Variants in RNF213 observed in about 807,000 individuals in gnomAD.
The protein encoded by RNF213 is E3 ubiquitin-protein ligase RNF213.
In RNF213, 341 loss-of-function variants were observed where a neutral mutation model predicts 514.4. That is an observed-to-expected ratio of 0.66 (90% CI 0.61 to 0.73). The LOEUF (loss-of-function observed/expected upper bound fraction) is 0.73. RNF213 is among the 30% of genes least tolerant of loss of function. RNF213 has a pLI of 0.00. For synonymous variants in RNF213, 2,655 were observed against 2,658.2 expected, an observed-to-expected ratio of 1.00 and a Z score of 0.04; for missense variants, 5,767 against 6,615.6, an observed-to-expected ratio of 0.87 and a Z score of 4.45.
At position 80,339,981 on chromosome 17, in the gene RNF213, G is replaced by GAGGA. The variant is rs1485981713; in HGVS notation, c.5615_5618dup (p.Val1874GlyfsTer59). ...GCTCTGCACCCCGGCAACCACCTTTGAGGAGGTGGCACTGTTGCTGCGCCG... is the reference window on the plus strand; with the variant it reads ...GCTCTGCACCCCGGCAACCACCTTTGAGGAAGGAGGTGGCACTGTTGCTGCGCCG... On this transcript the variant is annotated frameshift_variant, in exon 26 of 68. Coordinates refer to ENST00000582970, the MANE Select transcript of RNF213 (RefSeq NM_001256071.3). LOFTEE classifies it high-confidence loss of function. 28 of 1,537,428 alleles carry GAGGA rather than the reference G, an allele frequency of 1.8e-5. No homozygotes were observed. Among genetic ancestry groups the GAGGA allele is most frequent in the Non-Finnish European group, 2.4e-5 (27 of 1,147,024 alleles).
At chr17:80,279,027 C>A in intron 3 of RNF213, 1 of 1,393,982 alleles carries the variant, frequency 7.2e-7, no homozygotes, top group Non-Finnish European at 9.7e-7. Context: ...AGGAAGGCTG[C>A]CCAGGATGGG....
At chr17:80,368,428 C>T (rs567615694) in intron 44 of RNF213, among the ~76,000 whole-genome samples, 1 of 136,308 alleles carries the variant, frequency 7.3e-6, no homozygotes, top group Non-Finnish European at 1.6e-5. Flanking sequence ...AATGTAGACG[C>T]CAGTGTTTTT....
At position 80,395,775 on chromosome 17, in the gene RNF213, A is replaced by C. The variant is rs970068596; in HGVS notation, c.*2277A>C. On this transcript the variant is annotated 3_prime_UTR_variant, in exon 68 of 68. Transcript: ENST00000582970. ...AATGCCCCTTCAGGGGGAAAACTGCATTTTCTCTTCCAAAAAGGAAAGGTT... is the reference window on the plus strand; with the variant it reads ...AATGCCCCTTCAGGGGGAAAACTGCCTTTTCTCTTCCAAAAAGGAAAGGTT... 6.6e-6 allele frequency: 1 copy of C among 152,078 alleles called. No individual in the cohort carries two copies. Among genetic ancestry groups the C allele is most frequent in the South Asian group, 2.1e-4 (1 of 4,824 alleles). The allele number at this position is 152,078 out of a possible 1,614,324, so 9.4% of individuals were successfully genotyped here. A position where few individuals can be genotyped will look rare whatever the true frequency, so the allele number is the denominator to read the frequency against.
chr17:80,377,675 C>G lies in RNF213; in HGVS notation c.13511-87C>G. 1 of 1,464,178 alleles carries G rather than the reference C, an allele frequency of 6.8e-7. No individual in the cohort carries two copies. Among genetic ancestry groups the G allele is most frequent in the Non-Finnish European group, 9.6e-7 (1 of 1,043,192 alleles). The allele number at this position is 1,464,178 out of a possible 1,614,324, so 90.7% of individuals were successfully genotyped here. A position where few individuals can be genotyped will look rare whatever the true frequency, so the allele number is the denominator to read the frequency against. On this transcript the variant is annotated intron_variant, in intron 53 of 67. Transcript: ENST00000582970. This position sits in a 1 kb window ranked among gnomAD's most constrained non-coding sequence, Gnocchi z 4.1. ...GTCATTCTCATATTGTGGTCAGGGC[C>G]AGAGAGTAGAGAGTTAGCTTTCCCT...
intron 32 of RNF213, chr17:80,352,403 C>T (rs1180706691): frequency 3.3e-6 from 1 of 301,392 alleles, no homozygotes; most frequent in East Asian, 7.0e-5. Context: ...CTCCCGACTC[C>T]CGACAGACAC....
In RNF213 at chr17:80,337,582, A is replaced by G. The variant is rs1284024414; in HGVS notation, c.4528-4A>G. 2.6e-6 allele frequency: 4 copies of G among 1,537,290 alleles called. No homozygotes were observed. Among genetic ancestry groups the G allele is most frequent in the Non-Finnish European group, 2.6e-6 (3 of 1,146,906 alleles). ...GCCCGTGTTCTCTCCTTTTGTCCCC[A>G]TAGTGTGACTCCGCCAGGAACTTGG... is the stretch of plus-strand genomic sequence containing the variant. On this transcript the variant is annotated splice_region_variant and splice_polypyrimidine_tract_variant and intron_variant, in intron 23 of 67. Transcript: ENST00000582970.
Position 80,347,337 on chromosome 17 carries a change from C to T in RNF213, c.9002C>T (p.Ala3001Val). The T allele has an allele frequency of 1.2e-6, 2 of 1,613,972 alleles. No individual in the cohort carries two copies. Among genetic ancestry groups the T allele is most frequent in the African/African-American group, 1.3e-5 (1 of 75,056 alleles). ...ATCCAAGCTTTGGACATCTTTCTGG[C>T]CAATTTGCCCGAGGCCAAGTGCTCA... ...DDIQALDIFL[A>V]NLPEAKCSEE... is the part of the protein sequence containing the mutation. Residue 3001 changes from alanine to valine, a missense_variant, in exon 29 of 68, where the codon GCC becomes GTC. Transcript: ENST00000582970. The surrounding 1 kb of genome is among the most constrained non-coding windows in gnomAD (Gnocchi z 7.2).
At position 80,365,173 on chromosome 17, in the gene RNF213, C is replaced by T. The variant is rs1186317055; in HGVS notation, c.11871+620C>T. ...GCCTCAGCCTCTGCCTCACCCGCAC[C>T]CGTGACCTTCACGTGAGCACATCCA... On this transcript the variant is annotated intron_variant, in intron 42 of 67. Coordinates refer to ENST00000582970, the MANE Select transcript of RNF213 (RefSeq NM_001256071.3). 7 of 159,868 alleles carry T rather than the reference C, an allele frequency of 4.4e-5. No homozygotes were observed. In the South Asian group the frequency reaches 8.9e-4, roughly 20 times the overall value. 9.9% of individuals were successfully genotyped at this position (159,868 alleles called of 1,614,324 possible). A position where few individuals can be genotyped will look rare whatever the true frequency, so the allele number is the denominator to read the frequency against.
chr17:80,383,969 A>G (rs1599201671), intron 59 of RNF213, 41 bp downstream of exon 59: 1 of 1,613,730 alleles, frequency 6.2e-7, no homozygotes, highest in Admixed American at 1.7e-5. Context: ...CTTTCGGTGC[A>G]GAGTTCCCCA....
At chr17:80,301,241 C>T (rs549524074) in intron 11 of RNF213, among the ~76,000 whole-genome samples, 63 of 152,146 alleles carry the variant, frequency 4.1e-4, no homozygotes, top group Middle Eastern at 3.4e-3. Context: ...ATGGTATTGC[C>T]TAGGTCTGGG....
At chr17:80,278,752 G>A (rs2044157059) in intron 3 of RNF213, 3 of 1,537,052 alleles carry the variant, frequency 2.0e-6, no homozygotes, top group East Asian at 2.4e-5. Flanking sequence ...GAAGGGGGTC[G>A]TGTTTCAACA....
intron 64 of RNF213, 98 bp from the exon 65 acceptor site, chr17:80,389,075 T>C (rs1376850546): frequency 2.5e-6 from 3 of 1,181,168 alleles, no homozygotes; most frequent in South Asian, 2.5e-5. Flanking sequence ...GCCCCCCGCA[T>C]GTGGCTTGGG....
chr17:80,354,672 T>A, intron 36 of RNF213, 96 bp downstream of exon 36: 8 of 1,466,536 alleles, frequency 5.5e-6, no homozygotes, highest in Non-Finnish European at 7.6e-6. Context: ...CCATGGGGAC[T>A]GAGCTGTTTC....
At chr17:80,354,906 G>A (rs2078675781) in intron 36 of RNF213, 1 of 392,730 alleles carries the variant, frequency 2.5e-6, no homozygotes, top group South Asian at 2.2e-5. Context: ...TTTCAGTCAT[G>A]AAGTTAAAAT....
chr17:80,348,043 G>A lies in RNF213; in HGVS notation c.9708G>A (p.Arg3236=). The change falls in exon 29 of 68, where the codon AGG becomes AGA. Residue 3236 remains arginine (R), a synonymous_variant. Transcript: ENST00000582970. ...CTGTGGTGCTGCAGGTCATAGAGAGGCAGGGTCCCCGGGCCTTGACGGAGG... is the reference window on the plus strand; with the variant it reads ...CTGTGGTGCTGCAGGTCATAGAGAGACAGGGTCCCCGGGCCTTGACGGAGG... ...CASVVLQVIE[R]QGPRALTEEL... is the part of the protein sequence containing the mutation. The A allele has an allele frequency of 6.2e-7, 1 of 1,614,196 alleles. No homozygotes were observed. The highest frequency in any genetic ancestry group is 1.7e-5 in the Admixed American group (1 of 60,032).
At chr17:80,357,648 T>C (rs1426197180) in intron 36 of RNF213, among the ~76,000 whole-genome samples, 1 of 152,184 alleles carries the variant, frequency 6.6e-6, no homozygotes, top group Non-Finnish European at 1.5e-5. Context: ...TTCTGAAAAA[T>C]AGTTACATAC....
intron 32 of RNF213, chr17:80,352,615 C>T: frequency 5.1e-6 from 3 of 586,874 alleles, no homozygotes; most frequent in Non-Finnish European, 9.1e-6. Flanking sequence ...TCCCCCACCC[C>T]TCACTAACTG....
rs80014477 is a variant in RNF213, at chr17:80,291,470, G to C, written c.1272-158G>C. Among the ~76,000 whole-genome samples the C allele has an allele frequency of 4.8e-3, 728 of 152,156 alleles. 8 individuals carry two copies. Among genetic ancestry groups the C allele is most frequent in the African/African-American group, 0.017 (689 of 41,528 alleles). On this transcript the variant is annotated intron_variant, in intron 7 of 67. Coordinates refer to ENST00000582970, the MANE Select transcript of RNF213 (RefSeq NM_001256071.3). ...CCTCCTGGACTCAAGAAGTCCTCCC[G>C]CCTCAGCCTCCCATGGTGTTGGGAT...
chr17:80,374,440 C>G lies in RNF213; in HGVS notation c.12943-18C>G. On this transcript the variant is annotated intron_variant, in intron 49 of 67. Transcript: ENST00000582970. Reference sequence around the variant, plus strand: ...CATTCCTCCCATTGTTCACCCCCAACTAACCTCTGTATTCCAGGGGCTGCG... The same window carrying G: ...CATTCCTCCCATTGTTCACCCCCAAGTAACCTCTGTATTCCAGGGGCTGCG... The G allele has an allele frequency of 1.2e-6, 2 of 1,614,100 alleles. No homozygotes were observed. Among genetic ancestry groups the G allele is most frequent in the Non-Finnish European group, 1.7e-6 (2 of 1,179,952 alleles).
Sources: gnomAD v4.1 joint callset for allele counts (sites outside exome capture counted in the v4.1 genomes callset) on GRCh38, gnomAD v4.1.1 for gene constraint, Gnocchi (gnomAD v3.1) non-coding constraint, MANE v1.5 for transcripts, NCBI Gene and HGNC (gene_info 2026-07-23, HGNC 2026-07-21) for gene names.